Variants in BSPH1 observed in about 807,000 individuals in gnomAD.
The protein encoded by BSPH1 is binder of sperm protein homolog 1, also known as binder of sperm 1.
BSPH1 carries 21 observed loss-of-function variants against 22.5 expected under a neutral mutation model. The ratio of observed to expected loss-of-function variants is 0.93; its 90% confidence interval spans 0.66 to 1.35. The LOEUF (loss-of-function observed/expected upper bound fraction) is 1.35. Among genes scored for constraint, BSPH1 ranks in the 40% most tolerant of loss-of-function variants. The probability of loss-of-function intolerance (pLI) is 0.00; values close to 1 mark genes in which losing one functional copy is unlikely to be tolerated. For missense variants in BSPH1, 141 were observed against 154.2 expected, an observed-to-expected ratio of 0.91 and a Z score of 0.45; for synonymous variants, 42 against 53.6, an observed-to-expected ratio of 0.78 and a Z score of 0.95.
chr19:47,980,742 C>T (rs934947718), intron 2 of BSPH1, among the ~76,000 whole-genome samples, 179 bp downstream of exon 2: 2 of 151,798 alleles, frequency 1.3e-5, no homozygotes, highest in Non-Finnish European at 2.9e-5. Flanking sequence ...AGTGCTGGGA[C>T]TCTTCTTCTT....
intron 1 of BSPH1, 79 bp downstream of exon 1, chr19:47,991,930 T>C (rs573820233): frequency 3.4e-6 from 3 of 891,042 alleles, no homozygotes; most frequent in Non-Finnish European, 5.3e-6. Context: ...CCCCACCTTC[T>C]CCCTCCTTCC....
chr19:47,973,476 A>G (rs1969331270), intron 5 of BSPH1, among the ~76,000 whole-genome samples: 3 of 152,226 alleles, frequency 2.0e-5, no homozygotes, highest in Admixed American at 2.0e-4. Flanking sequence ...ATGTGTGCAC[A>G]CAAACACATA....
At chr19:47,984,452 A>AT (rs1269451898) in intron 1 of BSPH1, among the ~76,000 whole-genome samples, 1 of 152,022 alleles carries the variant, frequency 6.6e-6, no homozygotes, top group East Asian at 1.9e-4. Context: ...ACCTTTGGTC[A>AT]TAATTCAAGC....
At chr19:47,991,985 G>A in intron 1 of BSPH1, 24 bp downstream of exon 1, 1 of 1,469,958 alleles carries the variant, frequency 6.8e-7, no homozygotes, top group South Asian at 1.2e-5. Context: ...CCTTGCATAG[G>A]AAGAAATATA....
At chr19:47,990,620 AT>A (rs11415530) in intron 1 of BSPH1, among the ~76,000 whole-genome samples, 12 of 150,656 alleles carry the variant, frequency 8.0e-5, no homozygotes, top group African/African-American at 2.7e-4. Flanking sequence ...AAGCAGTGTT[AT>A]TTTTTTTTAA....
chr19:47,967,409 T>C (rs143157562), downstream of BSPH1, among the ~76,000 whole-genome samples: 2,938 of 152,276 alleles, frequency 0.019, 37 homozygotes, highest in Middle Eastern at 0.027. Context: ...GGGGCTGCCA[T>C]AAAAAAGTAA....
rs556518329 is a variant in BSPH1, at chr19:47,981,053, T to C, written c.74-112A>G. ...ATAATACTATTTTGAAAGTTAGACA[T>C]CAAAGTTCAATAGAGCTTATTTTTA... On this transcript the variant is annotated intron_variant, in intron 1 of 5. Coordinates refer to ENST00000344839, the MANE Select transcript of BSPH1 (RefSeq NM_001128326.2). 27 of 566,990 alleles carry C rather than the reference T, an allele frequency of 4.8e-5. No homozygotes were observed. In the South Asian group the frequency reaches 7.2e-4, roughly 15 times the overall value. 35.1% of individuals were successfully genotyped at this position (566,990 alleles called of 1,614,324 possible). A position where few individuals can be genotyped will look rare whatever the true frequency, so the allele number is the denominator to read the frequency against.
chr19:47,991,508 C>G (rs1280584101), intron 1 of BSPH1, among the ~76,000 whole-genome samples: 1 of 135,590 alleles, frequency 7.4e-6, no homozygotes, highest in Admixed American at 7.3e-5. Context: ...CTCCTCCTCC[C>G]CCTCCTTTTC....
At chr19:47,967,821 A>G (rs1248913967), downstream of BSPH1, among the ~76,000 whole-genome samples, 1 of 152,176 alleles carries the variant, frequency 6.6e-6, no homozygotes, top group Non-Finnish European at 1.5e-5. Context: ...GTATTGTTTG[A>G]ACATTACAGC....
rs978816511 is a variant in BSPH1 at position 47,976,596 on chromosome 19, A to C, written c.*2+114T>G. The C allele has an allele frequency of 6.2e-3, 2,073 of 334,988 alleles. 26 individuals carry two copies. Among genetic ancestry groups the C allele is most frequent in the East Asian group, 0.047 (1,150 of 24,624 alleles). 20.8% of individuals were successfully genotyped at this position (334,988 alleles called of 1,614,324 possible). On this transcript the variant is annotated intron_variant, in intron 5 of 5. Transcript: ENST00000344839. ...CTCACATCCCAGAAAAAAAAAAAAA[A>C]CAAAAAAAAACCCTCTCTAATGAGA...
chr19:47,980,056 T>C (rs1404734806), intron 2 of BSPH1, among the ~76,000 whole-genome samples: 2 of 152,170 alleles, frequency 1.3e-5, no homozygotes, highest in Admixed American at 1.3e-4. Flanking sequence ...TTGCCTGTTA[T>C]TTTATATAGA....
chr19:47,989,310 T>C (rs2122268109), intron 1 of BSPH1, among the ~76,000 whole-genome samples: 1 of 151,974 alleles, frequency 6.6e-6, no homozygotes, highest in African/African-American at 2.4e-5. Flanking sequence ...CATGCCCGGC[T>C]AATTGTTGTA....
At chr19:47,980,719 C>T (rs1969412184) in intron 2 of BSPH1, among the ~76,000 whole-genome samples, 1 of 151,938 alleles carries the variant, frequency 6.6e-6, no homozygotes, top group East Asian at 1.9e-4. Flanking sequence ...ATCCCCCTGC[C>T]TCGGCCTCCC....
intron 1 of BSPH1, among the ~76,000 whole-genome samples, chr19:47,988,244 C>G (rs1969489161): frequency 6.6e-6 from 1 of 152,152 alleles, no homozygotes; most frequent in Non-Finnish European, 1.5e-5. Context: ...CTCTTTAATA[C>G]TGTAATAGTA....
At chr19:47,984,259 G>A (rs1289851171) in intron 1 of BSPH1, among the ~76,000 whole-genome samples, 1 of 148,164 alleles carries the variant, frequency 6.7e-6, no homozygotes, top group African/African-American at 2.5e-5. Flanking sequence ...AAAGGATTAA[G>A]AAGGGCCCCT....
rs1218611708 is a variant in BSPH1, at chr19:47,980,949, A to G, written c.74-8T>C. 3 of 1,426,428 alleles carry G rather than the reference A, an allele frequency of 2.1e-6. No individual in the cohort carries two copies. Among genetic ancestry groups the G allele is most frequent in the Non-Finnish European group, 2.8e-6 (3 of 1,063,860 alleles). 88.4% of individuals were successfully genotyped at this position (1,426,428 alleles called of 1,614,324 possible). On this transcript the variant is annotated splice_polypyrimidine_tract_variant and splice_region_variant and intron_variant, in intron 1 of 5. Coordinates refer to ENST00000344839, the MANE Select transcript of BSPH1 (RefSeq NM_001128326.2). ...CAGTTGATGATAATTCATCTGAAAA[A>G]CACAATTTTGAACAAATATTTATGT...
At chr19:47,990,270 C>A (rs28523895) in intron 1 of BSPH1, among the ~76,000 whole-genome samples, 1 of 151,972 alleles carries the variant, frequency 6.6e-6, no homozygotes, top group Admixed American at 6.6e-5. Flanking sequence ...GAGCCCGGGG[C>A]CCATGAGTTT....
At chr19:47,989,877 G>T (rs992353321) in intron 1 of BSPH1, among the ~76,000 whole-genome samples, 9 of 152,080 alleles carry the variant, frequency 5.9e-5, no homozygotes, top group Non-Finnish European at 1.3e-4. Context: ...CCAGCACTTT[G>T]GGAGGCTGAG....
downstream of BSPH1, among the ~76,000 whole-genome samples, chr19:47,967,810 G>A (rs1181877202): frequency 6.6e-6 from 1 of 152,158 alleles, no homozygotes; most frequent in Non-Finnish European, 1.5e-5. Context: ...CCAATTCTGA[G>A]GTATTGTTTG....
Sources: gnomAD v4.1 joint callset for allele counts (sites outside exome capture counted in the v4.1 genomes callset) on GRCh38, gnomAD v4.1.1 for gene constraint, MANE v1.5 for transcripts, NCBI Gene and HGNC (gene_info 2026-07-23, HGNC 2026-07-21) for gene names.